Variants in TRPM6 observed in about 807,000 individuals in gnomAD.
TRPM6 encodes the protein transient receptor potential cation channel subfamily M member 6, also known as channel kinase 2.
In TRPM6, 111 loss-of-function variants were observed where a neutral mutation model predicts 247.6. The observed-to-expected ratio is 0.45, with a 90% CI of 0.38 to 0.52. The LOEUF is 0.52. Among genes scored for constraint, TRPM6 ranks in the 20% least tolerant of loss-of-function variants. The pLI is 0.00. For synonymous variants in TRPM6, 892 were observed against 853.8 expected, an observed-to-expected ratio of 1.04 and a Z score of -0.78; for missense variants, 2,126 against 2,421.5, an observed-to-expected ratio of 0.88 and a Z score of 2.56.
chr9:74,826,736 C>CTTTTTTTT (rs561369498), intron 7 of TRPM6: 3 of 52,072 alleles, frequency 5.8e-5, no homozygotes, highest in Admixed American at 2.2e-4. Context: ...CTTTTTCTTT[C>CTTTTTTTT]TTTTTTTTTT....
chr9:74,740,083 A>C, intron 33 of TRPM6, 74 bp from the exon 34 acceptor site: 13 of 1,528,170 alleles, frequency 8.5e-6, no homozygotes, highest in African/African-American at 1.4e-5. Context: ...CCTAAATATC[A>C]ATGCAGAATC....
intron 1 of TRPM6, among the ~76,000 whole-genome samples, chr9:74,862,732 G>C (rs140708506): frequency 6.6e-6 from 1 of 151,958 alleles, no homozygotes; most frequent in Non-Finnish European, 1.5e-5. Flanking sequence ...CTGTAATCCC[G>C]GCACTTTGGG....
At chr9:74,853,420 G>A (rs1830424143) in intron 3 of TRPM6, among the ~76,000 whole-genome samples, 1 of 152,232 alleles carries the variant, frequency 6.6e-6, no homozygotes, top group African/African-American at 2.4e-5. Context: ...ATAGAAAAAG[G>A]GGGAAATGTG....
rs539997442 is a variant in TRPM6, at chr9:74,856,737, A to C, written c.114-1172T>G. Among the ~76,000 whole-genome samples the C allele has an allele frequency of 6.8e-4, 104 of 152,190 alleles. 2 individuals are homozygous for C. The highest frequency in any genetic ancestry group is 1.3e-4 in the Admixed American group (2 of 15,264). Reference sequence around the variant, plus strand: ...TTGGGAGCTACAAAAATAATAAAACAAACTTTTATCGATATTTTAAAAAGT... The same window carrying C: ...TTGGGAGCTACAAAAATAATAAAACCAACTTTTATCGATATTTTAAAAAGT... On this transcript the variant is annotated intron_variant, in intron 2 of 38. Transcript: ENST00000360774.
In TRPM6 at chr9:74,739,446, T is replaced by C; in HGVS notation, c.5491A>G (p.Ile1831Val). 2 of 1,614,016 alleles carry C rather than the reference T, an allele frequency of 1.2e-6. No homozygotes were observed. Among genetic ancestry groups the C allele is most frequent in the Non-Finnish European group, 1.7e-6 (2 of 1,179,892 alleles). The part of the protein sequence containing the change: ...STVLHLCLRE[I>V]QQQRAAQKLI... ...TTTTGAGCAGCTCTTTGTTGTTGAA[T>C]TTCCTACAAAATAGGGAGCACTGAT... Residue 1831 changes from isoleucine (I) to valine (V), a missense_variant, in exon 35 of 39, where the codon ATT becomes GTT. Coordinates refer to ENST00000360774, the MANE Select transcript of TRPM6 (RefSeq NM_017662.5).
intron 20 of TRPM6, among the ~76,000 whole-genome samples, chr9:74,786,476 A>G (rs139367481): frequency 0.012 from 1,760 of 152,356 alleles, 30 homozygotes; most frequent in African/African-American, 0.039. Context: ...GCGGTGGCTC[A>G]TGCCTGTAAT....
chr9:74,796,346 A>G (rs1828098280), intron 18 of TRPM6, among the ~76,000 whole-genome samples: 1 of 152,220 alleles, frequency 6.6e-6, no homozygotes, highest in African/African-American at 2.4e-5. Flanking sequence ...TAATTAATTC[A>G]GTGTCCACAG....
At chr9:74,773,920 T>C (rs780758803) in intron 24 of TRPM6, among the ~76,000 whole-genome samples, 5 of 152,172 alleles carry the variant, frequency 3.3e-5, no homozygotes, top group Non-Finnish European at 7.3e-5. Context: ...TACCCAACTC[T>C]AATGTCTTCT....
chr9:74,802,617 T>TTGGATACATGGGAGTGA (rs1332710505), intron 15 of TRPM6, among the ~76,000 whole-genome samples: 1 of 152,204 alleles, frequency 6.6e-6, no homozygotes, highest in Non-Finnish European at 1.5e-5. Flanking sequence ...AAATAGCGTA[T>TTGGATACATGGGAGTGA]TGGATACATG....
chr9:74,789,960 CAAAAAA>C (rs71368680), intron 19 of TRPM6, among the ~76,000 whole-genome samples: 16 of 65,140 alleles, frequency 2.5e-4, no homozygotes, highest in East Asian at 1.2e-3. Flanking sequence ...GACTCCATCT[CAAAAAA>C]AAAAAAAAAA....
chr9:74,867,419 A>C (rs1830881363), intron 1 of TRPM6, among the ~76,000 whole-genome samples: 2 of 152,200 alleles, frequency 1.3e-5, no homozygotes, highest in African/African-American at 4.8e-5. Context: ...TGTGAGAGCA[A>C]GAATATACCA....
In TRPM6 at chr9:74,762,061, G is replaced by A; in HGVS notation, c.4610C>T (p.Ala1537Val). Residue 1537 changes from alanine to valine, a missense_variant, in exon 26 of 39, where the codon GCT becomes GTT. By Grantham distance (64) the Ala-to-Val change is moderately conservative (BLOSUM62 0). Coordinates refer to ENST00000360774, the MANE Select transcript of TRPM6 (RefSeq NM_017662.5). ...ATGGAATCTAAAACTATGACTCCTA[G>A]CGAAGGGCCTGTATCTGCGGAGAGG... Reference protein sequence around the residue: ...INPLRRYRPFARSHSFRFHKE... With the variant: ...INPLRRYRPFVRSHSFRFHKE... 1 of 1,614,174 alleles carries A rather than the reference G, an allele frequency of 6.2e-7. No homozygotes were observed. Among genetic ancestry groups the A allele is most frequent in the Non-Finnish European group, 8.5e-7 (1 of 1,180,036 alleles).
chr9:74,788,891 T>C (rs1827792774), intron 19 of TRPM6, 149 bp from the exon 20 acceptor site: 2 of 879,192 alleles, frequency 2.3e-6, no homozygotes, highest in East Asian at 2.7e-5. Flanking sequence ...ATTGATGACC[T>C]ACTATCAAGG....
intron 11 of TRPM6, 37 bp downstream of exon 11, chr9:74,816,632 A>C (rs766264839): frequency 6.4e-7 from 1 of 1,562,864 alleles, no homozygotes; most frequent in Non-Finnish European, 8.8e-7. Context: ...ACCATCACAC[A>C]AAATATTTTT....
intron 5 of TRPM6, among the ~76,000 whole-genome samples, chr9:74,835,731 G>A (rs1025772271): frequency 6.6e-6 from 1 of 152,104 alleles, no homozygotes; most frequent in Non-Finnish European, 1.5e-5. Flanking sequence ...AATTTATTTA[G>A]AGCTTGGATT....
intron 5 of TRPM6, among the ~76,000 whole-genome samples, chr9:74,836,680 C>T (rs749937473): frequency 7.2e-5 from 11 of 152,202 alleles, no homozygotes; most frequent in Admixed American, 1.3e-4. Context: ...CCTTTCAGGG[C>T]TCCTTGCTAT....
chr9:74,827,451 A>G (rs1829376613), intron 7 of TRPM6, among the ~76,000 whole-genome samples: 1 of 152,116 alleles, frequency 6.6e-6, no homozygotes, highest in Non-Finnish European at 1.5e-5. Flanking sequence ...ATAAGTGAGC[A>G]CCTTGACCAT....
At chr9:74,802,911 G>A (rs181908074) in intron 15 of TRPM6, among the ~76,000 whole-genome samples, 110 of 152,002 alleles carry the variant, frequency 7.2e-4, no homozygotes, top group African/African-American at 8.9e-4. Context: ...ACTGCACTAC[G>A]GTTATGACTT....
At chr9:74,856,465 G>GTC (rs71497364) in intron 2 of TRPM6, among the ~76,000 whole-genome samples, 13 of 118,056 alleles carry the variant, frequency 1.1e-4, no homozygotes, top group African/African-American at 5.0e-4. Context: ...GTGTGTGTGT[G>GTC]TCTGTGTGTG....
Sources: gnomAD v4.1 joint callset for allele counts (sites outside exome capture counted in the v4.1 genomes callset) on GRCh38, gnomAD v4.1.1 for gene constraint, MANE v1.5 for transcripts, NCBI Gene and HGNC (gene_info 2026-07-23, HGNC 2026-07-21) for gene names.